The following SOX5 variants were observed in gnomAD, a reference collection of about 807,000 sequenced individuals.
SOX5 encodes the protein SRY-box transcription factor 5.
SOX5 carries 9 observed loss-of-function variants against 92.0 expected under a neutral mutation model. That is an observed-to-expected ratio of 0.10 (90% CI 0.06 to 0.17). SOX5 has a LOEUF of 0.17. Among genes scored for constraint, SOX5 ranks in the 10% least tolerant of loss-of-function variants. The probability of loss-of-function intolerance (pLI) is 1.00; values close to 1 mark genes in which losing one functional copy is unlikely to be tolerated. For synonymous variants in SOX5, 344 were observed against 336.3 expected (o/e 1.02, Z -0.25); for missense variants, 642 against 944.5 (o/e 0.68, Z 4.20).
intron 3 of SOX5, among the ~76,000 whole-genome samples, chr12:23,761,258 A>G (rs2094555168): frequency 6.6e-6 from 1 of 152,160 alleles, no homozygotes; most frequent in African/African-American, 2.4e-5. Flanking sequence ...AGGAAAACAT[A>G]TATCTGACAT....
chr12:24,264,339 A>C (rs868650536), intron 3 of SOX5, among the ~76,000 whole-genome samples: 6 of 152,086 alleles, frequency 3.9e-5, no homozygotes, highest in Non-Finnish European at 2.9e-5. Context: ...CTTTTAAAAA[A>C]TTTTTTCTTG....
Position 23,662,166 on chromosome 12 carries a change from T to TAG in SOX5, c.931+3277_931+3278insCT, listed in dbSNP as rs1214311564. ...ATACACACACACATATACATATATA[T>TAG]ATATAGAGAGAGAGAGAGAAAGGAT... is the stretch of plus-strand genomic sequence containing the variant. On this transcript the variant is annotated intron_variant, in intron 7 of 14. Transcript: ENST00000451604. 3.7e-3 allele frequency among the ~76,000 whole-genome samples: 560 copies of TAG among 151,734 alleles called. 3 individuals carry two copies. The highest frequency in any genetic ancestry group is 0.013 in the African/African-American group (542 of 41,354).
At chr12:23,597,798 T>C (rs1160912307) in intron 9 of SOX5, among the ~76,000 whole-genome samples, 2 of 152,200 alleles carry the variant, frequency 1.3e-5, no homozygotes, top group East Asian at 3.8e-4. Context: ...AGGTTTTCAA[T>C]AGCTATTTAA....
intron 4 of SOX5, among the ~76,000 whole-genome samples, chr12:24,064,313 CAA>C (rs1426613034): frequency 7.9e-5 from 12 of 152,286 alleles, no homozygotes; most frequent in Non-Finnish European, 8.8e-5. Flanking sequence ...CACTGTAATG[CAA>C]TACGGCAAAT....
chr12:24,338,982 T>G (rs956528110), intron 2 of SOX5, among the ~76,000 whole-genome samples: 3 of 152,190 alleles, frequency 2.0e-5, no homozygotes, highest in African/African-American at 7.2e-5. Context: ...TCATTCTTAT[T>G]TATTTCACAA....
intron 11 of SOX5, among the ~76,000 whole-genome samples, chr12:23,549,388 A>G (rs1379788533): frequency 6.6e-6 from 1 of 151,972 alleles, no homozygotes; most frequent in Non-Finnish European, 1.5e-5. Context: ...GATAAAAATC[A>G]CGGCTCTGAT....
intron 4 of SOX5, among the ~76,000 whole-genome samples, chr12:24,107,207 C>G (rs976215777): frequency 6.6e-6 from 1 of 152,188 alleles, no homozygotes; most frequent in Non-Finnish European, 1.5e-5. Context: ...CAAGCTCTTA[C>G]AATCCACCTC....
chr12:24,202,258 C>CT (rs1957593451), intron 4 of SOX5, among the ~76,000 whole-genome samples: 1 of 152,100 alleles, frequency 6.6e-6, no homozygotes, highest in Non-Finnish European at 1.5e-5. Flanking sequence ...TGAAGTCATC[C>CT]TTTTATATAG....
chr12:23,822,410 C>T (rs2096137766), intron 3 of SOX5, among the ~76,000 whole-genome samples: 1 of 152,122 alleles, frequency 6.6e-6, no homozygotes, highest in South Asian at 2.1e-4. Flanking sequence ...GCAGGTTGTT[C>T]AGTTTCCATG....
intron 5 of SOX5, among the ~76,000 whole-genome samples, chr12:23,736,472 A>AT (rs2093599471): frequency 6.7e-6 from 1 of 149,874 alleles, no homozygotes; most frequent in Admixed American, 6.7e-5. Context: ...AGAAATAATA[A>AT]AAAAAAAAAT....
At chr12:24,482,548 A>C (rs1451139495) in intron 1 of SOX5, among the ~76,000 whole-genome samples, 1 of 152,224 alleles carries the variant, frequency 6.6e-6, no homozygotes, top group African/African-American at 2.4e-5. Flanking sequence ...AAGAAATAAA[A>C]ATGTTTACAC....
chr12:24,031,119 T>C (rs1228509955), intron 4 of SOX5, among the ~76,000 whole-genome samples: 1 of 151,902 alleles, frequency 6.6e-6, no homozygotes, highest in Non-Finnish European at 1.5e-5. Context: ...ACAGCCATTA[T>C]GGAAAACAGT....
At chr12:23,760,946 C>T (rs143726888) in intron 3 of SOX5, among the ~76,000 whole-genome samples, 45 of 152,146 alleles carry the variant, frequency 3.0e-4, no homozygotes, top group Non-Finnish European at 2.2e-4. Context: ...ACAAAAAGTA[C>T]GCTATGTATG....
At chr12:24,561,034 T>A (rs1427561012) in intron 1 of SOX5, among the ~76,000 whole-genome samples, 1 of 152,254 alleles carries the variant, frequency 6.6e-6, no homozygotes, top group Non-Finnish European at 1.5e-5. Flanking sequence ...GGTCCTGCCC[T>A]TGGCTAAAGA....
chr12:23,805,156 G>T (rs1439984487), intron 3 of SOX5, among the ~76,000 whole-genome samples: 1 of 151,274 alleles, frequency 6.6e-6, no homozygotes, highest in Non-Finnish European at 1.5e-5. Flanking sequence ...CTCATCACAT[G>T]TTTTGAACTT....
intron 4 of SOX5, among the ~76,000 whole-genome samples, chr12:23,963,962 T>C (rs1415183011): frequency 1.3e-5 from 2 of 151,594 alleles, no homozygotes; most frequent in African/African-American, 4.8e-5. Flanking sequence ...AAACACTTTA[T>C]CAGAAACCAA....
At chr12:24,540,619 G>A (rs539652913) in intron 1 of SOX5, among the ~76,000 whole-genome samples, 2 of 152,232 alleles carry the variant, frequency 1.3e-5, no homozygotes, top group African/African-American at 4.8e-5. Context: ...TATAAAATGC[G>A]ATTAGAAAGT....
At chr12:23,901,564 C>T (rs1039154769) in intron 1 of SOX5, among the ~76,000 whole-genome samples, 2 of 152,208 alleles carry the variant, frequency 1.3e-5, no homozygotes, top group Non-Finnish European at 2.9e-5. Flanking sequence ...GTTATTTCCT[C>T]AGTAAGGCTT....
At chr12:24,434,531 C>T (rs1381233391) in intron 1 of SOX5, among the ~76,000 whole-genome samples, 1 of 152,102 alleles carries the variant, frequency 6.6e-6, no homozygotes. Flanking sequence ...ATTTGTGTTC[C>T]CATCCAAATC....
Sources: gnomAD v4.1 joint callset for allele counts (sites outside exome capture counted in the v4.1 genomes callset) on GRCh38, gnomAD v4.1.1 for gene constraint, MANE v1.5 for transcripts, NCBI Gene and HGNC (gene_info 2026-07-23, HGNC 2026-07-21) for gene names.